Variants in RPL31 observed in about 807,000 individuals in gnomAD.
RPL31 encodes the protein ribosomal protein L31, also known as large ribosomal subunit protein eL31.
For missense variants in RPL31, 95 were observed against 164.0 expected, an observed-to-expected ratio of 0.58 and a Z score of 2.30; for synonymous variants, 51 against 55.0, an observed-to-expected ratio of 0.93 and a Z score of 0.32.
intron 4 of RPL31, chr2:101,017,845 C>T: frequency 3.2e-6 from 5 of 1,550,556 alleles, no homozygotes; most frequent in Non-Finnish European, 3.5e-6. Flanking sequence ...CAGCTACATG[C>T]AATTCCCAAT....
At chr2:101,009,419 A>G (rs921338048), downstream of RPL31, among the ~76,000 whole-genome samples, 11 of 151,924 alleles carry the variant, frequency 7.2e-5, no homozygotes, top group Non-Finnish European at 1.5e-4. Flanking sequence ...AAAAAAAAAA[A>G]AAAAGAAAAA....
chr2:101,005,895 C>T, intron 3 of RPL31, 64 bp from the exon 4 acceptor site: 1 of 1,361,218 alleles, frequency 7.3e-7, no homozygotes, highest in Non-Finnish European at 1.0e-6. Context: ...TATGTGAATA[C>T]AGCTAGTGGC....
rs760794796 is a variant in RPL31 at position 101,005,951 on chromosome 2, T to A, written c.234-8T>A. 6.2e-7 allele frequency: 1 copy of A among 1,610,704 alleles called. No homozygotes were observed. The highest frequency in any genetic ancestry group is 1.1e-5 in the South Asian group (1 of 90,814). ...TTGACTTCAGCAACACAATTATGTT[T>A]TTATTAGGAATGTGCCATACCGAAT... On this transcript the variant is annotated splice_region_variant and splice_polypyrimidine_tract_variant and intron_variant, in intron 3 of 4. Transcript: ENST00000264258.
At chr2:101,007,892 T>C, downstream of RPL31, 1 of 1,614,050 alleles carries the variant, frequency 6.2e-7, no homozygotes, top group Non-Finnish European at 8.5e-7. Flanking sequence ...TTGTACTGAT[T>C]GATCTTGGCA....
chr2:101,003,814 A>T (rs1678626208), intron 2 of RPL31, among the ~76,000 whole-genome samples: 1 of 152,154 alleles, frequency 6.6e-6, no homozygotes, highest in South Asian at 2.1e-4. Flanking sequence ...ATTTAATCAA[A>T]TTTAGTATTT....
At chr2:101,011,161 G>C, downstream of RPL31, 2 of 870,906 alleles carry the variant, frequency 2.3e-6, no homozygotes, top group Non-Finnish European at 3.5e-6. Context: ...TGGAAAGCAA[G>C]AGATTCCCCT....
intron 4 of RPL31, chr2:101,017,876 C>T: frequency 6.4e-7 from 1 of 1,550,848 alleles, no homozygotes; most frequent in Non-Finnish European, 8.7e-7. Context: ...AAACGATGAT[C>T]TCTTCAAAAC....
rs1678782605 is a variant in RPL31 at position 101,007,195 on chromosome 2, C to CACTTA, written c.*818_*822dup. On this transcript the variant is annotated 3_prime_UTR_variant, in exon 5 of 5. Coordinates refer to ENST00000264258, the MANE Select transcript of RPL31 (RefSeq NM_000993.5). Reference sequence around the variant, plus strand: ...CACTGCCACAGTCTACAGCTTAAGACACTTAACTACAAGGTAAAAGAAAAG... The same window carrying CACTTA: ...CACTGCCACAGTCTACAGCTTAAGACACTTAACTTAACTACAAGGTAAAAGAAAAG... 6.6e-6 allele frequency: 1 copy of CACTTA among 152,414 alleles called. No homozygotes were observed. The highest frequency in any genetic ancestry group is 1.5e-5 in the Non-Finnish European group (1 of 68,276). The allele number at this position is 152,414 out of a possible 1,614,324, so 9.4% of individuals were successfully genotyped here. A position where few individuals can be genotyped will look rare whatever the true frequency, so the allele number is the denominator to read the frequency against.
At chr2:101,008,987 CTGT>C (rs1167072123), downstream of RPL31, among the ~76,000 whole-genome samples, 7 of 152,304 alleles carry the variant, frequency 4.6e-5, no homozygotes, top group African/African-American at 7.2e-5. Context: ...AGAGTGATGC[CTGT>C]TGTTTTCTCA....
chr2:101,006,613 A>T lies in RPL31; in HGVS notation c.*232A>T. ...TCTGGGTAGTTGGGATACTGAAGGCATATTGTTAATTATTCTACTTGTATG... is the reference window on the plus strand; with the variant it reads ...TCTGGGTAGTTGGGATACTGAAGGCTTATTGTTAATTATTCTACTTGTATG... On this transcript the variant is annotated 3_prime_UTR_variant, in exon 5 of 5. Transcript: ENST00000264258. 6.9e-6 allele frequency: 3 copies of T among 437,412 alleles called. No homozygotes were observed. The highest frequency in any genetic ancestry group is 1.2e-5 in the Non-Finnish European group (3 of 249,814). The allele number at this position is 437,412 out of a possible 1,614,324, so 27.1% of individuals were successfully genotyped here. A position where few individuals can be genotyped will look rare whatever the true frequency, so the allele number is the denominator to read the frequency against.
At chr2:101,012,342 A>G (rs1164634883) in intron 4 of RPL31, among the ~76,000 whole-genome samples, 1 of 152,244 alleles carries the variant, frequency 6.6e-6, no homozygotes, top group Non-Finnish European at 1.5e-5. Context: ...TGGCATACCC[A>G]TGCAATGGAA....
At chr2:101,009,181 C>A (rs1366837176), downstream of RPL31, among the ~76,000 whole-genome samples, 1 of 152,082 alleles carries the variant, frequency 6.6e-6, no homozygotes, top group Non-Finnish European at 1.5e-5. Flanking sequence ...ATCACGAGGT[C>A]AGGAGATTGA....
downstream of RPL31, chr2:101,007,766 T>C (rs1469711296): frequency 8.4e-6 from 13 of 1,548,650 alleles, no homozygotes; most frequent in Non-Finnish European, 8.8e-6. Context: ...CAAGAAACAG[T>C]CTGGTTCGTG....
downstream of RPL31, chr2:101,008,070 C>A: frequency 6.2e-7 from 1 of 1,613,940 alleles, no homozygotes; most frequent in Non-Finnish European, 8.5e-7. Flanking sequence ...CTGCAAAAAC[C>A]GAGTCCTCAG....
chr2:101,005,161 G>A (rs1010524960), intron 3 of RPL31: 1 of 152,220 alleles, frequency 6.6e-6, no homozygotes, highest in Non-Finnish European at 1.5e-5. Flanking sequence ...GAGAAGTCCT[G>A]AGTTTATAGG....
downstream of RPL31, chr2:101,011,253 G>A: frequency 1.4e-6 from 1 of 693,448 alleles, no homozygotes; most frequent in South Asian, 1.9e-5. Flanking sequence ...GAACTTGGTG[G>A]TGGGGGCAAG....
At chr2:101,017,596 A>AC (rs1679750804) in intron 4 of RPL31, among the ~76,000 whole-genome samples, 1 of 152,178 alleles carries the variant, frequency 6.6e-6, no homozygotes, top group Non-Finnish European at 1.5e-5. Context: ...ATTTATCAGT[A>AC]CCTACCATCT....
intron 2 of RPL31, 72 bp downstream of exon 2, chr2:101,002,880 A>C: frequency 9.2e-7 from 1 of 1,090,044 alleles, no homozygotes; most frequent in Non-Finnish European, 1.4e-6. Context: ...GTGCCGAATC[A>C]CCTCCACCCC....
chr2:101,018,115 T>C (rs1679788478), intron 4 of RPL31: 2 of 565,964 alleles, frequency 3.5e-6, no homozygotes, highest in African/African-American at 1.9e-5. Flanking sequence ...CTTTTTCATA[T>C]AAAGTTTTCA....
Sources: allele counts gnomAD v4.1 joint callset (sites outside exome capture counted in the v4.1 genomes callset), GRCh38; gene constraint gnomAD v4.1.1; transcripts MANE v1.5; gene names NCBI Gene and HGNC (gene_info 2026-07-23, HGNC 2026-07-21).